Variants in GPC5 observed in about 807,000 individuals in gnomAD.
GPC5 encodes the protein glypican 5, also known as glypican-5.
In GPC5, 47 loss-of-function variants were observed where a neutral mutation model predicts 53.9. The observed-to-expected ratio is 0.87, with a 90% CI of 0.69 to 1.11. GPC5 has a LOEUF of 1.11. Among genes scored for constraint, GPC5 ranks in the 50% most tolerant of loss-of-function variants. The pLI, the probability that GPC5 is intolerant of heterozygous loss-of-function variation, is 0.00. For synonymous variants in GPC5, 286 were observed against 263.3 expected (o/e 1.09, Z -0.84); for missense variants, 748 against 713.1 (o/e 1.05, Z -0.56).
chr13:91,887,341 G>A (rs1464708492), intron 5 of GPC5, among the ~76,000 whole-genome samples: 1 of 152,130 alleles, frequency 6.6e-6, no homozygotes, highest in Non-Finnish European at 1.5e-5. Flanking sequence ...CCTGGCCCAG[G>A]AAAACATTTT....
chr13:91,434,730 A>G (rs1048846724), intron 1 of GPC5, among the ~76,000 whole-genome samples: 2 of 152,164 alleles, frequency 1.3e-5, no homozygotes, highest in Admixed American at 1.3e-4. Flanking sequence ...GAAGAAAGTC[A>G]TTGGTGGCTT....
intron 6 of GPC5, among the ~76,000 whole-genome samples, chr13:92,065,130 T>G (rs1051928990): frequency 1.3e-5 from 2 of 152,204 alleles, no homozygotes; most frequent in African/African-American, 4.8e-5. Context: ...AAATTCTCTT[T>G]GATATGTGGC....
At chr13:92,328,704 C>T (rs1026549684) in intron 7 of GPC5, among the ~76,000 whole-genome samples, 6 of 152,064 alleles carry the variant, frequency 3.9e-5, no homozygotes, top group Non-Finnish European at 8.8e-5. Flanking sequence ...GAAAGAAAAA[C>T]GTTAATCAAA....
At chr13:91,922,789 T>C (rs1438394003) in intron 6 of GPC5, among the ~76,000 whole-genome samples, 2 of 152,200 alleles carry the variant, frequency 1.3e-5, no homozygotes, top group African/African-American at 2.4e-5. Flanking sequence ...TCCACTGTTC[T>C]TGATTATTTC....
intron 7 of GPC5, among the ~76,000 whole-genome samples, chr13:92,787,667 C>CAAAAAAAAAAAAAAAAAAAAAAAAA (rs71202562): frequency 2.5e-4 from 14 of 56,236 alleles, no homozygotes; most frequent in East Asian, 1.6e-3. Flanking sequence ...CTCATAGCTA[C>CAAAAAAAAAAAAAAAAAAAAAAAAA]AAAAAAAAAA....
chr13:92,104,077 T>C (rs1024056657), intron 6 of GPC5, among the ~76,000 whole-genome samples: 1 of 152,166 alleles, frequency 6.6e-6, no homozygotes, highest in African/African-American at 2.4e-5. Flanking sequence ...GAGAGAGCTA[T>C]AAATCAGGTC....
At chr13:92,685,558 T>TG in intron 7 of GPC5, among the ~76,000 whole-genome samples, 1 of 109,758 alleles carries the variant, frequency 9.1e-6, no homozygotes, top group East Asian at 5.8e-4. Flanking sequence ...TTTTTTTTTT[T>TG]AATTTTTTTT....
At chr13:91,987,928 C>T (rs1594708149) in intron 6 of GPC5, among the ~76,000 whole-genome samples, 1 of 144,148 alleles carries the variant, frequency 6.9e-6, no homozygotes, top group East Asian at 2.0e-4. Flanking sequence ...TATATATAAA[C>T]ATACTATACA....
intron 7 of GPC5, among the ~76,000 whole-genome samples, chr13:92,264,494 TAC>T (rs796178684): frequency 2.5e-4 from 37 of 150,818 alleles, no homozygotes; most frequent in Admixed American, 1.3e-3. Flanking sequence ...CACACACACA[TAC>T]ACACACACAC....
intron 5 of GPC5, among the ~76,000 whole-genome samples, chr13:91,809,228 G>T (rs2038272102): frequency 6.6e-6 from 1 of 152,050 alleles, no homozygotes; most frequent in Non-Finnish European, 1.5e-5. Context: ...TTGTACCTTT[G>T]ATTTGCTATT....
At chr13:92,166,823 A>G (rs1313407626) in intron 7 of GPC5, among the ~76,000 whole-genome samples, 2 of 152,096 alleles carry the variant, frequency 1.3e-5, no homozygotes, top group Non-Finnish European at 2.9e-5. Flanking sequence ...AGCAATACTC[A>G]TTTGTGTGAT....
At chr13:91,873,832 C>A (rs1241863534) in intron 5 of GPC5, among the ~76,000 whole-genome samples, 1 of 152,154 alleles carries the variant, frequency 6.6e-6, no homozygotes, top group African/African-American at 2.4e-5. Context: ...CAGAGGCACA[C>A]TACAATACCC....
intron 5 of GPC5, among the ~76,000 whole-genome samples, chr13:91,899,177 A>G (rs2039472483): frequency 6.6e-6 from 1 of 152,186 alleles, no homozygotes; most frequent in Non-Finnish European, 1.5e-5. Context: ...GCTTTAGAAG[A>G]GAACAAATCA....
intron 7 of GPC5, among the ~76,000 whole-genome samples, chr13:92,695,868 C>A (rs1180060954): frequency 6.6e-6 from 1 of 152,024 alleles, no homozygotes; most frequent in East Asian, 1.9e-4. Context: ...CATCCCATGA[C>A]AGGCCCCGGT....
At chr13:92,563,124 G>GC (rs1322604564) in intron 7 of GPC5, among the ~76,000 whole-genome samples, 2 of 151,990 alleles carry the variant, frequency 1.3e-5, no homozygotes, top group Admixed American at 6.6e-5. Context: ...CCAGCATATA[G>GC]CCAGTAATAG....
chr13:92,254,854 C>T (rs2042716398), intron 7 of GPC5, among the ~76,000 whole-genome samples: 1 of 152,106 alleles, frequency 6.6e-6, no homozygotes, highest in African/African-American at 2.4e-5. Flanking sequence ...TAATCACCTC[C>T]CATGGGGTCC....
At chr13:92,505,727 T>C (rs1880341880) in intron 7 of GPC5, among the ~76,000 whole-genome samples, 1 of 152,114 alleles carries the variant, frequency 6.6e-6, no homozygotes. Flanking sequence ...AATGGTTGAA[T>C]GGATAAGCAA....
At chr13:91,573,242 C>T (rs1197227864) in intron 2 of GPC5, among the ~76,000 whole-genome samples, 2 of 152,184 alleles carry the variant, frequency 1.3e-5, no homozygotes, top group East Asian at 3.8e-4. Flanking sequence ...TAGACAGGCT[C>T]CTTTGTTTGT....
At chr13:92,065,677 G>A (rs2041162119) in intron 6 of GPC5, among the ~76,000 whole-genome samples, 1 of 152,020 alleles carries the variant, frequency 6.6e-6, no homozygotes, top group Non-Finnish European at 1.5e-5. Flanking sequence ...GTTGCATTTT[G>A]AAAAATCATT....
Sources: gnomAD v4.1 joint callset for allele counts (sites outside exome capture counted in the v4.1 genomes callset) on GRCh38, gnomAD v4.1.1 for gene constraint, MANE v1.5 for transcripts, NCBI Gene and HGNC (gene_info 2026-07-23, HGNC 2026-07-21) for gene names.